The following ZDHHC14 variants were observed in gnomAD, a reference collection of about 807,000 sequenced individuals.
ZDHHC14 encodes palmitoyltransferase ZDHHC14.
In ZDHHC14, 16 loss-of-function variants were observed where a neutral mutation model predicts 47.7. The observed-to-expected ratio is 0.34, with a 90% CI of 0.23 to 0.51. The LOEUF is 0.51. ZDHHC14 is among the 20% of genes least tolerant of loss of function. ZDHHC14 has a pLI of 0.97. For synonymous variants in ZDHHC14, 293 were observed against 278.9 expected (o/e 1.05, Z -0.50); for missense variants, 515 against 662.5 (o/e 0.78, Z 2.44).
chr6:157,438,051 A>G (rs546958898), intron 1 of ZDHHC14, among the ~76,000 whole-genome samples: 6 of 152,272 alleles, frequency 3.9e-5, no homozygotes, highest in African/African-American at 1.4e-4. Flanking sequence ...TAAAATTTAC[A>G]ATTTTAATCA....
At chr6:157,559,460 T>C (rs558060789) in intron 2 of ZDHHC14, among the ~76,000 whole-genome samples, 1 of 152,348 alleles carries the variant, frequency 6.6e-6, no homozygotes, top group South Asian at 2.1e-4. Context: ...CCATTGGCTT[T>C]AGAGCTGAGT....
At chr6:157,645,706 C>T in intron 5 of ZDHHC14, 31 bp from the exon 6 acceptor site, 1 of 1,592,222 alleles carries the variant, frequency 6.3e-7, no homozygotes, top group Non-Finnish European at 8.6e-7. Flanking sequence ...CGCGGTCCCT[C>T]ACTTCCGCTT....
At chr6:157,627,199 A>G (rs567778623) in intron 3 of ZDHHC14, among the ~76,000 whole-genome samples, 1 of 152,310 alleles carries the variant, frequency 6.6e-6, no homozygotes, top group East Asian at 1.9e-4. Context: ...ATGATACATG[A>G]CCAGAAAGTC....
At chr6:157,656,433 C>G (rs137952120) in intron 8 of ZDHHC14, among the ~76,000 whole-genome samples, 1,540 of 152,132 alleles carry the variant, frequency 0.01, 30 homozygotes, top group African/African-American at 0.035. Context: ...CTCCCAGGTT[C>G]AAGCCATTCT....
intron 1 of ZDHHC14, among the ~76,000 whole-genome samples, chr6:157,435,829 C>T (rs965356101): frequency 2.0e-5 from 3 of 152,200 alleles, no homozygotes; most frequent in Non-Finnish European, 2.9e-5. Context: ...TATGAGCCAT[C>T]ATGCCTGGCC....
At chr6:157,546,505 G>C (rs759649219) in intron 2 of ZDHHC14, among the ~76,000 whole-genome samples, 2 of 152,122 alleles carry the variant, frequency 1.3e-5, no homozygotes, top group Non-Finnish European at 2.9e-5. Flanking sequence ...AGGGCTCTGG[G>C]CTTCAGAGTC....
intron 2 of ZDHHC14, among the ~76,000 whole-genome samples, chr6:157,553,360 G>A (rs376035905): frequency 6.6e-5 from 10 of 152,100 alleles, no homozygotes; most frequent in East Asian, 1.9e-4. Context: ...TCAGGGCCTC[G>A]CTGGGAAGAG....
chr6:157,531,742 G>A (rs1781377003), intron 1 of ZDHHC14, among the ~76,000 whole-genome samples: 1 of 152,230 alleles, frequency 6.6e-6, no homozygotes, highest in Non-Finnish European at 1.5e-5. Context: ...GCGTGAAGGA[G>A]ACTCAGTCAT....
At chr6:157,581,540 G>A (rs1401689561) in intron 2 of ZDHHC14, among the ~76,000 whole-genome samples, 2 of 152,098 alleles carry the variant, frequency 1.3e-5, no homozygotes, top group Admixed American at 6.5e-5. Flanking sequence ...CACTATTATT[G>A]TGTGGGAGTC....
intron 2 of ZDHHC14, among the ~76,000 whole-genome samples, chr6:157,564,180 GT>G (rs1782816668): frequency 6.6e-6 from 1 of 152,242 alleles, no homozygotes; most frequent in African/African-American, 2.4e-5. Flanking sequence ...AGTTAGAACT[GT>G]TCTTGCATGG....
intron 2 of ZDHHC14, among the ~76,000 whole-genome samples, chr6:157,564,999 C>G (rs1178508654): frequency 2.0e-5 from 3 of 152,192 alleles, no homozygotes; most frequent in Non-Finnish European, 4.4e-5. Context: ...AATTCTAGCA[C>G]TTTGGGAGGC....
rs1267351167 is a variant in ZDHHC14 at position 157,674,498 on chromosome 6, G to C, written c.*1376G>C. ...GACTTAGGGAGTGTGTCACTATGGG[G>C]GCAGCCACAGGGGACACAGCAACTC... On this transcript the variant is annotated 3_prime_UTR_variant, in exon 9 of 9. Coordinates refer to ENST00000359775, the MANE Select transcript of ZDHHC14 (RefSeq NM_024630.3). The C allele has an allele frequency of 6.6e-6, 1 of 152,160 alleles. No homozygotes were observed. Among genetic ancestry groups the C allele is most frequent in the Admixed American group, 6.5e-5 (1 of 15,278 alleles). 9.4% of individuals were successfully genotyped at this position (152,160 alleles called of 1,614,324 possible). A position where few individuals can be genotyped will look rare whatever the true frequency, so the allele number is the denominator to read the frequency against.
intron 1 of ZDHHC14, among the ~76,000 whole-genome samples, chr6:157,449,629 C>T (rs537107300): frequency 4.4e-4 from 67 of 152,288 alleles, no homozygotes; most frequent in African/African-American, 1.5e-3. Context: ...TGGAATCATA[C>T]AATATGCAGT....
intron 2 of ZDHHC14, among the ~76,000 whole-genome samples, chr6:157,569,315 C>A (rs1244324133): frequency 6.6e-6 from 1 of 151,922 alleles, no homozygotes; most frequent in Non-Finnish European, 1.5e-5. Context: ...GTTTTAACTT[C>A]AGGTTCTTCC....
chr6:157,651,865 C>G (rs542644979), intron 7 of ZDHHC14, among the ~76,000 whole-genome samples: 1 of 152,158 alleles, frequency 6.6e-6, no homozygotes, highest in African/African-American at 2.4e-5. Flanking sequence ...AGCCACTGCG[C>G]CCGGTCCCTC....
In ZDHHC14 at chr6:157,434,736, C is replaced by T. The variant is rs141275436; in HGVS notation, c.245+52470C>T. Among the ~76,000 whole-genome samples, 6 of 152,232 alleles carry T rather than the reference C, an allele frequency of 3.9e-5. No individual in the cohort carries two copies. The East Asian group carries it at 9.7e-4, about 24-fold the overall frequency. ...TGAGCACCCAGAGAGCTTGGCACGA[C>T]GGGGAGGAGCCGGACTTTTAACAAG... On this transcript the variant is annotated intron_variant, in intron 1 of 8. Transcript: ENST00000359775.
intron 1 of ZDHHC14, among the ~76,000 whole-genome samples, chr6:157,499,172 G>T (rs553157284): frequency 6.6e-6 from 1 of 152,108 alleles, no homozygotes; most frequent in East Asian, 1.9e-4. Context: ...TTGGTGTGTC[G>T]GCACTGCTGT....
chr6:157,414,848 A>G (rs1777942328), intron 1 of ZDHHC14, among the ~76,000 whole-genome samples: 1 of 147,452 alleles, frequency 6.8e-6, no homozygotes, highest in Non-Finnish European at 1.5e-5. Context: ...TTTTTAAACA[A>G]ATTTCTTCAC....
At chr6:157,382,350 C>T in intron 1 of ZDHHC14, 84 bp downstream of exon 1, 1 of 1,501,806 alleles carries the variant, frequency 6.7e-7, no homozygotes, top group Admixed American at 2.1e-5. Context: ...CTTTCGTTTT[C>T]TAGAAGTCTT....
Sources: gnomAD v4.1 joint callset for allele counts (sites outside exome capture counted in the v4.1 genomes callset) on GRCh38, gnomAD v4.1.1 for gene constraint, MANE v1.5 for transcripts, NCBI Gene and HGNC (gene_info 2026-07-23, HGNC 2026-07-21) for gene names.